GPA33: variants seen among roughly 807,000 people sequenced by gnomAD.
GPA33 encodes the protein glycoprotein A33.
In GPA33, 27 loss-of-function variants were observed where a neutral mutation model predicts 35.6. That is an observed-to-expected ratio of 0.76 (90% CI 0.56 to 1.04). GPA33 has a LOEUF of 1.04. Among genes scored for constraint, GPA33 ranks in the 50% least tolerant of loss-of-function variants. GPA33 has a pLI of 0.00. For synonymous variants in GPA33, 176 were observed against 164.0 expected, an observed-to-expected ratio of 1.07 and a Z score of -0.56; for missense variants, 428 against 411.9, an observed-to-expected ratio of 1.04 and a Z score of -0.34.
chr1:167,061,346 G>A (rs920748460), intron 4 of GPA33, among the ~76,000 whole-genome samples: 3 of 152,184 alleles, frequency 2.0e-5, no homozygotes, highest in African/African-American at 7.2e-5. Flanking sequence ...AAGAAGATCA[G>A]ACACTACCAG....
chr1:167,082,647 C>T (rs1011193313), intron 1 of GPA33, among the ~76,000 whole-genome samples: 2 of 152,178 alleles, frequency 1.3e-5, no homozygotes, highest in Admixed American at 1.3e-4. Flanking sequence ...GCCAGCTTTG[C>T]TCACGGCAAG....
intron 4 of GPA33, 103 bp downstream of exon 4, chr1:167,063,479 T>C: frequency 9.9e-7 from 1 of 1,008,372 alleles, no homozygotes. Flanking sequence ...CAAGCGGCCT[T>C]CAGGGGGATC....
intron 1 of GPA33, among the ~76,000 whole-genome samples, chr1:167,085,316 G>C (rs556767462): frequency 6.6e-6 from 1 of 152,322 alleles, no homozygotes; most frequent in South Asian, 2.1e-4. Flanking sequence ...AGTCTCATGG[G>C]AACCAACAGG....
At chr1:167,075,291 G>T (rs1392582780) in intron 1 of GPA33, among the ~76,000 whole-genome samples, 1 of 152,176 alleles carries the variant, frequency 6.6e-6, no homozygotes, top group Non-Finnish European at 1.5e-5. Context: ...AGGAAATCAG[G>T]CAAGAGTTGG....
At chr1:167,078,109 G>T (rs188026868) in intron 1 of GPA33, among the ~76,000 whole-genome samples, 3 of 152,270 alleles carry the variant, frequency 2.0e-5, no homozygotes, top group African/African-American at 7.2e-5. Context: ...GCTGTCAACA[G>T]AACCTATTTC....
At chr1:167,077,480 C>T (rs1221863098) in intron 1 of GPA33, among the ~76,000 whole-genome samples, 1 of 152,188 alleles carries the variant, frequency 6.6e-6, no homozygotes, top group African/African-American at 2.4e-5. Context: ...TCTCCATGAA[C>T]TTTACACTGA....
At chr1:167,061,123 G>C (rs1448108526) in intron 4 of GPA33, among the ~76,000 whole-genome samples, 3 of 152,324 alleles carry the variant, frequency 2.0e-5, no homozygotes, top group Admixed American at 2.0e-4. Context: ...TGAGTCACTT[G>C]CCAAGGTCAT....
intron 2 of GPA33, among the ~76,000 whole-genome samples, chr1:167,071,760 G>C (rs1303824787): frequency 6.6e-6 from 1 of 152,066 alleles, no homozygotes; most frequent in Non-Finnish European, 1.5e-5. Flanking sequence ...CTCCCTCCCT[G>C]GACCTCCGCC....
chr1:167,068,896 C>T, intron 3 of GPA33, 26 bp downstream of exon 3: 1 of 1,583,566 alleles, frequency 6.3e-7, no homozygotes, highest in East Asian at 2.2e-5. Flanking sequence ...CTTCCTACAA[C>T]TCCTGAAAGA....
intron 1 of GPA33, among the ~76,000 whole-genome samples, chr1:167,083,555 C>A (rs1410217227): frequency 6.6e-6 from 1 of 152,158 alleles, no homozygotes; most frequent in Admixed American, 6.5e-5. Flanking sequence ...GCTCTCACGG[C>A]GTTCACTGTT....
intron 1 of GPA33, among the ~76,000 whole-genome samples, chr1:167,076,922 C>T (rs981654308): frequency 1.3e-5 from 2 of 152,152 alleles, no homozygotes; most frequent in African/African-American, 2.4e-5. Flanking sequence ...AAAACATTTG[C>T]TGGCAGGGCG....
chr1:167,071,790 G>C (rs1009963277), intron 2 of GPA33, among the ~76,000 whole-genome samples: 1 of 152,076 alleles, frequency 6.6e-6, no homozygotes, highest in African/African-American at 2.4e-5. Flanking sequence ...GACCTGCTAG[G>C]ACCTGTCACA....
chr1:167,074,970 C>T (rs571822517), intron 1 of GPA33, among the ~76,000 whole-genome samples: 7 of 142,946 alleles, frequency 4.9e-5, no homozygotes, highest in Middle Eastern at 4.0e-3. Flanking sequence ...TGCAGTGGCT[C>T]GATCTTGAAT....
At chr1:167,074,455 C>CA (rs1666781611) in intron 1 of GPA33, among the ~76,000 whole-genome samples, 1 of 152,162 alleles carries the variant, frequency 6.6e-6, no homozygotes, top group African/African-American at 2.4e-5. Context: ...TGGGAGTGAG[C>CA]AAACCCAGCC....
chr1:167,059,724 G>A (rs1666391931), intron 4 of GPA33, among the ~76,000 whole-genome samples: 1 of 152,102 alleles, frequency 6.6e-6, no homozygotes. Flanking sequence ...TATTACACAT[G>A]GGATCTCCTC....
intron 4 of GPA33, among the ~76,000 whole-genome samples, chr1:167,059,387 G>A (rs971495714): frequency 6.6e-6 from 1 of 152,116 alleles, no homozygotes; most frequent in African/African-American, 2.4e-5. Flanking sequence ...ACCTTCCTCT[G>A]CTCCAGCTGT....
chr1:167,068,072 A>G (rs963337277), intron 3 of GPA33, among the ~76,000 whole-genome samples: 4 of 152,044 alleles, frequency 2.6e-5, no homozygotes, highest in Non-Finnish European at 4.4e-5. Context: ...AAATATCTTA[A>G]TTATTAATTA....
At chr1:167,085,613 A>G (rs1667032135) in intron 1 of GPA33, among the ~76,000 whole-genome samples, 1 of 152,108 alleles carries the variant, frequency 6.6e-6, no homozygotes, top group Non-Finnish European at 1.5e-5. Flanking sequence ...GAAATGCAGA[A>G]TCTCAGGCCC....
intron 5 of GPA33, 42 bp downstream of exon 5, chr1:167,055,688 C>T (rs1158864485): frequency 6.2e-7 from 1 of 1,609,482 alleles, no homozygotes; most frequent in Admixed American, 1.7e-5. Flanking sequence ...CACCAGTTAT[C>T]CTGTGGCGTT....
Sources: gnomAD v4.1 joint callset for allele counts (sites outside exome capture counted in the v4.1 genomes callset) on GRCh38, gnomAD v4.1.1 for gene constraint, MANE v1.5 for transcripts, NCBI Gene and HGNC (gene_info 2026-07-23, HGNC 2026-07-21) for gene names.